Variants in NES observed in about 807,000 individuals in gnomAD.
The protein encoded by NES is nestin.
A neutral mutation model predicts 35.6 loss-of-function variants in NES; 27 were observed. The observed-to-expected ratio is 0.76, with a 90% CI of 0.56 to 1.04. The LOEUF is 1.04. Ranked by LOEUF, NES falls within the 50% of genes least tolerant of loss-of-function variation. NES has a pLI of 0.00. For synonymous variants in NES, 822 were observed against 824.2 expected (o/e 1.00, Z 0.04); for missense variants, 1,867 against 1,983.6 (o/e 0.94, Z 1.12).
rs1169883674 is a variant in NES at position 156,671,417 on chromosome 1, C to T, written c.2771G>A (p.Gly924Glu). 6.2e-7 allele frequency: 1 copy of T among 1,614,048 alleles called. No homozygotes were observed. The highest frequency in any genetic ancestry group is 1.7e-5 in the Admixed American group (1 of 60,030). The change falls in exon 4 of 4, where the codon GGA (glycine) becomes GAA (glutamate). Residue 924 changes from glycine (G) to glutamate (E), a missense_variant. By Grantham distance (98) the Gly-to-Glu change is moderately conservative. Coordinates refer to ENST00000368223, the MANE Select transcript of NES (RefSeq NM_006617.2). ...CAGTGACTCTTGGTACTCTCCCTTT[C>T]CCAGGTTCTCTTCCTCTTCCAGATT... ...QRNLEEEENL[G>E]KGEYQESLRS...
chr1:156,671,149 G>A lies in NES; in HGVS notation c.3039C>T (p.His1013=), dbSNP rs1385989106. ...GCTCTTTGGGCTCAGGGCTCTCTGG[G>A]TGCCCCTCGCCTGGGATCCAGACCT... The part of the protein sequence containing the change: ...TEEVWIPGEG[H]PESPEPKEQR... The change falls in exon 4 of 4, where the codon CAC becomes CAT. Residue 1013 remains histidine, a synonymous_variant. Transcript: ENST00000368223. The A allele has an allele frequency of 5.0e-6, 8 of 1,614,062 alleles. No individual in the cohort carries two copies. The highest frequency in any genetic ancestry group is 5.1e-6 in the Non-Finnish European group (6 of 1,180,018).
rs771679173 is a variant in NES at position 156,669,344 on chromosome 1, G to C, written c.4844C>G (p.Ser1615Cys). 6.3e-7 allele frequency: 1 copy of C among 1,582,078 alleles called. No individual in the cohort carries two copies. Among genetic ancestry groups the C allele is most frequent in the South Asian group, 1.1e-5 (1 of 88,910 alleles). The change falls in exon 4 of 4, where the codon TCC (serine) becomes TGC (cysteine). Residue 1615 changes from serine (S) to cysteine (C), a missense_variant. Ser to Cys is a moderately radical substitution (Grantham distance 112). Transcript: ENST00000368223. Reference sequence around the variant, plus strand: ...TTCCTAGTCCTCCCCTGAGGACCAGGACTCTCTATCTCCTTCCCTCTGAGT... The same window carrying C: ...TTCCTAGTCCTCCCCTGAGGACCAGCACTCTCTATCTCCTTCCCTCTGAGT... ...KFTQREGDRE[S>C]WSSGED
rs576897368 is a variant in NES at position 156,675,890 on chromosome 1, G to A, written c.784-550C>T. Among the ~76,000 whole-genome samples the A allele has an allele frequency of 2.0e-5, 3 of 152,308 alleles. No individual in the cohort carries two copies. The East Asian group carries it at 5.8e-4, about 29-fold the overall frequency. ...CCTCTGAGAGGAGGGATGGGGAGGT[G>A]GCCATGGCACCTCTGTGTGGCCCAG... On this transcript the variant is annotated intron_variant, in intron 1 of 3. Transcript: ENST00000368223.
rs1181740200 is a variant in NES at position 156,673,639 on chromosome 1, T to C, written c.909-112A>G. ...TTGCACCATCCAGGCCCTGCAGGCT[T>C]CCTCTTCATTTGACACTGTCACACA... On this transcript the variant is annotated intron_variant, in intron 2 of 3. Coordinates refer to ENST00000368223, the MANE Select transcript of NES (RefSeq NM_006617.2). 3 of 658,044 alleles carry C rather than the reference T, an allele frequency of 4.6e-6. No homozygotes were observed. The East Asian group carries it at 8.4e-5, about 18-fold the overall frequency. 40.8% of individuals were successfully genotyped at this position (658,044 alleles called of 1,614,324 possible).
rs756799084 is a variant in NES, at chr1:156,669,901, C to A, written c.4287G>T (p.Gly1429=). The A allele has an allele frequency of 1.1e-5, 17 of 1,613,376 alleles. No individual in the cohort carries two copies. Among genetic ancestry groups the A allele is most frequent in the Non-Finnish European group, 1.4e-5 (17 of 1,179,582 alleles). ...GEEGEEDQEE[G]REPGAGRWGP... is the part of the protein sequence containing the mutation. The stretch of plus-strand genomic sequence containing the variant: ...CCCACCGCCCAGCCCCTGGCTCCCT[C>A]CCCTCCTCCTGATCCTCCTCTCCCT... The change falls in exon 4 of 4, where the codon GGG becomes GGT. Residue 1429 remains glycine, a synonymous_variant. Transcript: ENST00000368223.
rs748851891 is a variant in NES, at chr1:156,670,372, G to A, written c.3816C>T (p.Pro1272=). The change falls in exon 4 of 4, where the codon CCC becomes CCT. Residue 1272 remains proline, a synonymous_variant. Transcript: ENST00000368223. ...CCTCCCCTTCCTCCTGGGGGCCCTC[G>A]GGGATCTCCCCAGAACCCAACTCCT... ...EQEELGSGEI[P]EGPQEEGEES... is the part of the protein sequence containing the mutation. 3.1e-5 allele frequency: 49 copies of A among 1,605,736 alleles called. No homozygotes were observed. The highest frequency in any genetic ancestry group is 2.1e-4 in the South Asian group (19 of 89,722).
At position 156,677,191 on chromosome 1, in the gene NES, C is replaced by T. The variant is rs1211487499; in HGVS notation, c.74G>A (p.Arg25Gln). The change falls in exon 1 of 4, where the codon CGG (arginine) becomes CAG (glutamine). Residue 25 changes from arginine to glutamine, a missense_variant. Physicochemically the swap from Arg to Gln is conservative, Grantham distance 43. Coordinates refer to ENST00000368223, the MANE Select transcript of NES (RefSeq NM_006617.2). This position sits in a 1 kb window ranked among gnomAD's most constrained non-coding sequence, Gnocchi z 4.5. ...ATTCTGCTCCTCCAGCGCCTTGACCCGGGCCAGGTAGGCCTCCAGGCGCCG... is the reference window on the plus strand; with the variant it reads ...ATTCTGCTCCTCCAGCGCCTTGACCTGGGCCAGGTAGGCCTCCAGGCGCCG... ...LNRRLEAYLA[R>Q]VKALEEQNEL... 1 of 1,610,040 alleles carries T rather than the reference C, an allele frequency of 6.2e-7. No individual in the cohort carries two copies. The highest frequency in any genetic ancestry group is 2.2e-5 in the East Asian group (1 of 44,554).
In NES at chr1:156,677,288, A is replaced by T; in HGVS notation, c.-24T>A. On this transcript the variant is annotated 5_prime_UTR_variant, in exon 1 of 4. Transcript: ENST00000368223. This position sits in a 1 kb window ranked among gnomAD's most constrained non-coding sequence, Gnocchi z 4.5. ...ATCCTGCTCGTCTGACCCACTGAGG[A>T]TGGACAGACGCGGGGCACCGGGAGA... 6.7e-7 allele frequency: 1 copy of T among 1,497,656 alleles called. No individual in the cohort carries two copies. The allele number at this position is 1,497,656 out of a possible 1,614,324, so 92.8% of individuals were successfully genotyped here.
chr1:156,675,170 G>T, intron 2 of NES, 46 bp downstream of exon 2: 1 of 1,594,464 alleles, frequency 6.3e-7, no homozygotes, highest in Non-Finnish European at 8.6e-7. Context: ...GCCCCAGCAT[G>T]TGTGTGTGCC....
Position 156,675,293 on chromosome 1 carries a change from C to T in NES, c.831G>A (p.Gln277=). Residue 277 remains glutamine (Q), a synonymous_variant, in exon 2 of 4, where the codon CAG becomes CAA. Transcript: ENST00000368223. ...GCCGACCTTCCAGGACCTGAGCGATCTGGCTCTGTAGGCCCTGTTTCTCCT... is the reference window on the plus strand; with the variant it reads ...GCCGACCTTCCAGGACCTGAGCGATTTGGCTCTGTAGGCCCTGTTTCTCCT... ...LEQEKQGLQS[Q]IAQVLEGRQQ... is the part of the protein sequence containing the mutation. 4.3e-6 allele frequency: 7 copies of T among 1,613,436 alleles called. No homozygotes were observed. Among genetic ancestry groups the T allele is most frequent in the Non-Finnish European group, 2.5e-6 (3 of 1,179,800 alleles).
Position 156,677,374 on chromosome 1 carries a change from G to A in NES, c.-110C>T, listed in dbSNP as rs1165669556. Reference sequence around the variant, plus strand: ...AAAAGAGACCGACGGGGACAATGACGGGGCGGGGCGGGGTGGGAGTAGCCT... The same window carrying A: ...AAAAGAGACCGACGGGGACAATGACAGGGCGGGGCGGGGTGGGAGTAGCCT... On this transcript the variant is annotated 5_prime_UTR_variant, in exon 1 of 4. Coordinates refer to ENST00000368223, the MANE Select transcript of NES (RefSeq NM_006617.2). The surrounding 1 kb of genome is among the most constrained non-coding windows in gnomAD (Gnocchi z 4.5). The A allele has an allele frequency of 1.3e-5, 9 of 714,768 alleles. No homozygotes were observed. The East Asian group carries it at 2.3e-4, about 18-fold the overall frequency. 44.3% of individuals were successfully genotyped at this position (714,768 alleles called of 1,614,324 possible).
chr1:156,671,746 G>C lies in NES; in HGVS notation c.2442C>G (p.Ser814Arg). ...QEFLKSLKEESVEAVKSLETE... is the reference protein window; with the variant it reads ...QEFLKSLKEERVEAVKSLETE... The stretch of plus-strand genomic sequence containing the variant: ...TTTCTAAAGATTTTACTGCCTCTAC[G>C]CTCTCTTCTTTGAGTGACTTTAAGA... Residue 814 changes from serine to arginine, a missense_variant, in exon 4 of 4, where the codon AGC (serine) becomes AGG (arginine). Coordinates refer to ENST00000368223, the MANE Select transcript of NES (RefSeq NM_006617.2). The C allele has an allele frequency of 1.2e-6, 2 of 1,613,932 alleles. No homozygotes were observed. The highest frequency in any genetic ancestry group is 8.5e-7 in the Non-Finnish European group (1 of 1,179,986).
At position 156,675,020 on chromosome 1, in the gene NES, A is replaced by G. The variant is rs566890766; in HGVS notation, c.908+196T>C. 2.6e-5 allele frequency among the ~76,000 whole-genome samples: 4 copies of G among 152,314 alleles called. No homozygotes were observed. The South Asian group carries it at 8.3e-4, about 32-fold the overall frequency. On this transcript the variant is annotated intron_variant, in intron 2 of 3. Transcript: ENST00000368223. Reference sequence around the variant, plus strand: ...ATTTCCTGGGCACAGGACATTGCTCAGGTCTCCAGCCTATGGGGGAGCAGA... The same window carrying G: ...ATTTCCTGGGCACAGGACATTGCTCGGGTCTCCAGCCTATGGGGGAGCAGA...
Position 156,672,136 on chromosome 1 carries a change from C to G in NES, c.2052G>C (p.Gly684=). Residue 684 remains glycine, a synonymous_variant, in exon 4 of 4, where the codon GGG becomes GGC. Transcript: ENST00000368223. ...NQEPLRSPEV[G]DEEALRPLTK... Reference sequence around the variant, plus strand: ...TCAGAGGTCTCAGTGCCTCCTCATCCCCTACTTCTGGAGATCTCAGTGGCT... The same window carrying G: ...TCAGAGGTCTCAGTGCCTCCTCATCGCCTACTTCTGGAGATCTCAGTGGCT... The G allele has an allele frequency of 6.2e-7, 1 of 1,611,838 alleles. No individual in the cohort carries two copies. The highest frequency in any genetic ancestry group is 8.5e-7 in the Non-Finnish European group (1 of 1,179,544).
Position 156,670,268 on chromosome 1 carries a change from G to T in NES, c.3920C>A (p.Ser1307Tyr), listed in dbSNP as rs1318864414. The T allele has an allele frequency of 6.2e-7, 1 of 1,611,046 alleles. No homozygotes were observed. Among genetic ancestry groups the T allele is most frequent in the East Asian group, 2.2e-5 (1 of 44,798 alleles). ...DSTPLGFYLR[S>Y]PTSPRWDPTG... The stretch of plus-strand genomic sequence containing the variant: ...GGGGTCCCACCTGGGGGAGGTGGGG[G>T]ACCTGAGGTAGAAGCCCAGGGGAGT... Residue 1307 changes from serine to tyrosine, a missense_variant, in exon 4 of 4, where the codon TCC (serine) becomes TAC (tyrosine). Ser to Tyr is a moderately radical substitution (Grantham distance 144). Transcript: ENST00000368223.
chr1:156,672,428 T>C lies in NES; in HGVS notation c.1760A>G (p.Lys587Arg). 1.2e-6 allele frequency: 2 copies of C among 1,611,822 alleles called. No individual in the cohort carries two copies. Among genetic ancestry groups the C allele is most frequent in the African/African-American group, 2.7e-5 (2 of 74,732 alleles). ...CTCTTTATTTTCCTTTTCTAGACTT[T>C]TTAGTGTTTCTAAGTCTTCTTCTAA... ...RSLEEDLETL[K>R]SLEKENKELL... The change falls in exon 4 of 4, where the codon AAA (lysine) becomes AGA (arginine). Residue 587 changes from lysine (K) to arginine (R), a missense_variant. Physicochemically the swap from Lys to Arg is conservative, Grantham distance 26. Coordinates refer to ENST00000368223, the MANE Select transcript of NES (RefSeq NM_006617.2).
rs745929347 is a variant in NES, at chr1:156,673,018, G to A, written c.1170C>T (p.Ile390=). Residue 390 remains isoleucine (I), a synonymous_variant, in exon 4 of 4, where the codon ATC becomes ATT. Coordinates refer to ENST00000368223, the MANE Select transcript of NES (RefSeq NM_006617.2). ...GAGAGGGTGCCTGAGGTGTGGGGGGGATGGGGGTGCTGGCCAAGGTAGGGG... is the reference window on the plus strand; with the variant it reads ...GAGAGGGTGCCTGAGGTGTGGGGGGAATGGGGGTGCTGGCCAAGGTAGGGG... The part of the protein sequence containing the change: ...ARTPTLASTP[I]PPTPQAPSPA... 18 of 1,611,666 alleles carry A rather than the reference G, an allele frequency of 1.1e-5. No homozygotes were observed. Among genetic ancestry groups the A allele is most frequent in the Middle Eastern group, 1.7e-4 (1 of 6,050 alleles).
Position 156,673,043 on chromosome 1 carries a change from G to A in NES, c.1145C>T (p.Thr382Ile), listed in dbSNP as rs1450759940. 6.2e-7 allele frequency: 1 copy of A among 1,610,850 alleles called. No individual in the cohort carries two copies. The highest frequency in any genetic ancestry group is 2.2e-5 in the East Asian group (1 of 44,796). The change falls in exon 4 of 4, where the codon ACC (threonine) becomes ATC (isoleucine). Residue 382 changes from threonine (T) to isoleucine (I), a missense_variant. Thr to Ile is a moderately conservative substitution (Grantham distance 89). Transcript: ENST00000368223. Reference sequence around the variant, plus strand: ...GATGGGGGTGCTGGCCAAGGTAGGGGTACGGGCCTGGAGGAATTCTTGGTT... The same window carrying A: ...GATGGGGGTGCTGGCCAAGGTAGGGATACGGGCCTGGAGGAATTCTTGGTT... ...LKNQEFLQAR[T>I]PTLASTPIPP... is the part of the protein sequence containing the mutation.
intron 1 of NES, among the ~76,000 whole-genome samples, chr1:156,675,661 A>G (rs751772676): frequency 6.6e-6 from 1 of 151,726 alleles, no homozygotes; most frequent in Non-Finnish European, 1.5e-5. Context: ...AGGAGACGAG[A>G]TGGGTTATGG....
Sources: gnomAD v4.1 joint callset for allele counts (sites outside exome capture counted in the v4.1 genomes callset) on GRCh38, gnomAD v4.1.1 for gene constraint, Gnocchi (gnomAD v3.1) non-coding constraint, MANE v1.5 for transcripts, NCBI Gene and HGNC (gene_info 2026-07-23, HGNC 2026-07-21) for gene names.